GNB3: variants seen among roughly 807,000 people sequenced by gnomAD.
GNB3 encodes G protein subunit beta 3, also known as guanine nucleotide-binding protein G(I)/G(S)/G(T) subunit beta-3.
In GNB3, 33 loss-of-function variants were observed where a neutral mutation model predicts 41.2. The ratio of observed to expected loss-of-function variants is 0.80; its 90% CI spans 0.61 to 1.07. The LOEUF (loss-of-function observed/expected upper bound fraction) is 1.07, where lower values mean the gene tolerates loss of function less well. Ranked by LOEUF, GNB3 falls within the 50% of genes least tolerant of loss-of-function variation. The pLI is 0.00. For synonymous variants in GNB3, 172 were observed against 173.4 expected (o/e 0.99, Z 0.06); for missense variants, 409 against 455.3 (o/e 0.90, Z 0.92).
At position 6,845,651 on chromosome 12, in the gene GNB3, G is replaced by A. The variant is rs1214413975; in HGVS notation, c.765G>A (p.Leu255=). Residue 255 remains leucine, a synonymous_variant, in exon 9 of 10, where the codon CTG becomes CTA. Transcript: ENST00000229264. ...ACGCTTCCTGCCGCTTGTTTGACCTGCGGGCAGACCAGGAGCTGATCTGCT... is the reference window on the plus strand; with the variant it reads ...ACGCTTCCTGCCGCTTGTTTGACCTACGGGCAGACCAGGAGCTGATCTGCT... ...SDDASCRLFD[L]RADQELICFS... is the part of the protein sequence containing the mutation. 1.2e-6 allele frequency: 2 copies of A among 1,613,952 alleles called. No homozygotes were observed. Among genetic ancestry groups the A allele is most frequent in the African/African-American group, 1.3e-5 (1 of 75,048 alleles).
rs1299867451 is a variant in GNB3 at position 6,843,116 on chromosome 12, C to T, written c.203+40C>T. The stretch of plus-strand genomic sequence containing the variant: ...GGAACCGAGAATGGGAGGGTGAGAG[C>T]GGGAGTGAGGAAGGCGGGAAGGGGA... On this transcript the variant is annotated intron_variant, in intron 4 of 9. Transcript: ENST00000229264. This position sits in a 1 kb window ranked among gnomAD's most constrained non-coding sequence, Gnocchi z 5.9. 16 of 1,600,802 alleles carry T rather than the reference C, an allele frequency of 1.0e-5. No homozygotes were observed. Among genetic ancestry groups the T allele is most frequent in the South Asian group, 6.6e-5 (6 of 90,746 alleles).
rs781935145 is a variant in GNB3 at position 6,843,249 on chromosome 12, G to C, written c.267+12G>C. On this transcript the variant is annotated intron_variant, in intron 5 of 9. Coordinates refer to ENST00000229264, the MANE Select transcript of GNB3 (RefSeq NM_002075.4). This position sits in a 1 kb window ranked among gnomAD's most constrained non-coding sequence, Gnocchi z 5.9. ...ACACCACCAACAAGGTACCAGCCCTGCCTCCCTGAGCCTCCACCACTGCAT... is the reference window on the plus strand; with the variant it reads ...ACACCACCAACAAGGTACCAGCCCTCCCTCCCTGAGCCTCCACCACTGCAT... 33 of 1,612,344 alleles carry C rather than the reference G, an allele frequency of 2.0e-5. No individual in the cohort carries two copies. Among genetic ancestry groups the C allele is most frequent in the Admixed American group, 2.0e-4 (12 of 60,008 alleles).
Position 6,841,270 on chromosome 12 carries a change from C to A in GNB3, c.-18C>A, listed in dbSNP as rs1191007975. 7 of 1,610,472 alleles carry A rather than the reference C, an allele frequency of 4.3e-6. No homozygotes were observed. The highest frequency in any genetic ancestry group is 2.7e-5 in the African/African-American group (2 of 74,840). On this transcript the variant is annotated 5_prime_UTR_variant, in exon 2 of 10. Transcript: ENST00000229264. ...ATGTTCCTGGCAGGAGCCAGAGTGA[C>A]CCCTCGACCTGTCAGCCATGGGGGA...
intron 8 of GNB3, chr12:6,844,932 CAACAT>C (rs1555124234): frequency 6.6e-6 from 1 of 152,202 alleles, no homozygotes; most frequent in Admixed American, 6.5e-5. Flanking sequence ...TCAGGAAACT[CAACAT>C]TGACACAATA....
chr12:6,845,364 C>T lies in GNB3; in HGVS notation c.700-222C>T, dbSNP rs1565520093. 16 of 541,084 alleles carry T rather than the reference C, an allele frequency of 3.0e-5. No individual in the cohort carries two copies. In the South Asian group the frequency reaches 4.0e-4, roughly 13 times the overall value. 33.5% of individuals were successfully genotyped at this position (541,084 alleles called of 1,614,324 possible). A position where few individuals can be genotyped will look rare whatever the true frequency, so the allele number is the denominator to read the frequency against. ...CCTGCGACGTGGAAATGATGCCTGCCTGCAGCGCTGTATAGTGCAGAGCGG... is the reference window on the plus strand; with the variant it reads ...CCTGCGACGTGGAAATGATGCCTGCTTGCAGCGCTGTATAGTGCAGAGCGG... On this transcript the variant is annotated intron_variant, in intron 8 of 9. Coordinates refer to ENST00000229264, the MANE Select transcript of GNB3 (RefSeq NM_002075.4).
intron 8 of GNB3, 73 bp downstream of exon 8, chr12:6,844,051 T>C (rs1943630672): frequency 2.3e-6 from 2 of 851,506 alleles, no homozygotes; most frequent in Non-Finnish European, 3.6e-6. Flanking sequence ...ACAATACACA[T>C]CCTCTGCCCC....
At position 6,843,757 on chromosome 12, in the gene GNB3, G is replaced by C. The variant is rs782486451; in HGVS notation, c.498-20G>C. 1.5e-5 allele frequency: 25 copies of C among 1,613,268 alleles called. No individual in the cohort carries two copies. In the South Asian group the frequency reaches 2.7e-4, roughly 18 times the overall value. ...GAGTGGGCCCGGCCTTTCTCTAACA[G>C]TCTCCCTCCATTTTGGCAGTGCCTT... On this transcript the variant is annotated intron_variant, in intron 7 of 9. Coordinates refer to ENST00000229264, the MANE Select transcript of GNB3 (RefSeq NM_002075.4). This position sits in a 1 kb window ranked among gnomAD's most constrained non-coding sequence, Gnocchi z 5.9.
rs1943603111 is a variant in GNB3, at chr12:6,843,060, T to C, written c.187T>C (p.Trp63Arg). ...GHLAKIYAMH[W>R]ATDSKLLVSA... ...CCTGGCCAAGATTTACGCCATGCAC[T>C]GGGCCACTGATTCTAAGTGAGGCTT... Residue 63 changes from tryptophan to arginine, a missense_variant, in exon 4 of 10, where the codon TGG (tryptophan) becomes CGG (arginine). Physicochemically the swap from Trp to Arg is moderately radical, Grantham distance 101. Coordinates refer to ENST00000229264, the MANE Select transcript of GNB3 (RefSeq NM_002075.4). This position sits in a 1 kb window ranked among gnomAD's most constrained non-coding sequence, Gnocchi z 5.9. The C allele has an allele frequency of 1.3e-6, 2 of 1,599,422 alleles. No individual in the cohort carries two copies.
intron 3 of GNB3, among the ~76,000 whole-genome samples, chr12:6,842,308 G>A (rs1803936387): frequency 6.6e-6 from 1 of 152,114 alleles, no homozygotes. Flanking sequence ...CAGCCCTTTG[G>A]GAGACTGACG....
Position 6,845,811 on chromosome 12 carries a change from C to A in GNB3, c.916+9C>A. 1 of 1,596,886 alleles carries A rather than the reference C, an allele frequency of 6.3e-7. No individual in the cohort carries two copies. On this transcript the variant is annotated intron_variant, in intron 9 of 9. Transcript: ENST00000229264. ...GAAGTCTGAGCGTGTGGGTAAGGGC[C>A]AGCCCTGGCTGCTGCTTCCTCAGCT... is the stretch of plus-strand genomic sequence containing the variant.
In GNB3 at chr12:6,841,639, C is replaced by G. The variant is rs782160261; in HGVS notation, c.96+15C>G. ...CTCTGGCAGAGGTAAGACCCCCTGTCCCCCGGAAGGCAGGGCATGGGGGGA... is the reference window on the plus strand; with the variant it reads ...CTCTGGCAGAGGTAAGACCCCCTGTGCCCCGGAAGGCAGGGCATGGGGGGA... On this transcript the variant is annotated intron_variant, in intron 3 of 9. Coordinates refer to ENST00000229264, the MANE Select transcript of GNB3 (RefSeq NM_002075.4). 1.2e-6 allele frequency: 2 copies of G among 1,604,830 alleles called. No homozygotes were observed. The highest frequency in any genetic ancestry group is 1.7e-6 in the Non-Finnish European group (2 of 1,172,710).
At chr12:6,844,106 T>TTTC in intron 8 of GNB3, 128 bp downstream of exon 8, 1 of 628,850 alleles carries the variant, frequency 1.6e-6, no homozygotes, top group Non-Finnish European at 2.5e-6. Context: ...TTTTTTTTTT[T>TTTC]TTTTTTTTTT....
Position 6,847,111 on chromosome 12 carries a change from C to T in GNB3, c.*213C>T. The T allele has an allele frequency of 1.8e-6, 1 of 549,642 alleles. No individual in the cohort carries two copies. 34.0% of individuals were successfully genotyped at this position (549,642 alleles called of 1,614,324 possible). On this transcript the variant is annotated 3_prime_UTR_variant, in exon 10 of 10. Coordinates refer to ENST00000229264, the MANE Select transcript of GNB3 (RefSeq NM_002075.4). ...CTGCCCCATCTCCTCCCATGGCCTT[C>T]CCTCCCCACAGTCCTCACAGCCTCT...
At chr12:6,845,412 T>C (rs1591591936) in intron 8 of GNB3, 174 bp from the exon 9 acceptor site, 6 of 605,446 alleles carry the variant, frequency 9.9e-6, no homozygotes, top group Non-Finnish European at 1.5e-5. Context: ...GGGAAGTCAC[T>C]GGCACGTGGT....
intron 3 of GNB3, among the ~76,000 whole-genome samples, chr12:6,842,142 T>A (rs1943587176): frequency 6.6e-6 from 1 of 152,230 alleles, no homozygotes; most frequent in South Asian, 2.1e-4. Context: ...CTAAGCTGCA[T>A]AAATACCTGA....
At chr12:6,844,093 ATTTTTT>A (rs34871066) in intron 8 of GNB3, 115 bp downstream of exon 8, 194 of 257,956 alleles carry the variant, frequency 7.5e-4, no homozygotes, top group Middle Eastern at 2.3e-3. Context: ...TTCTTACTGT[ATTTTTT>A]TTTTTTTTTT....
Position 6,842,954 on chromosome 12 carries a change from G to A in GNB3, c.97-16G>A, listed in dbSNP as rs782532802. ...TAACCTGCTCACCCTGATATTCAGT[G>A]CCCCTCTCTCTGCAGCTGGTGTCTG... On this transcript the variant is annotated splice_polypyrimidine_tract_variant and intron_variant, in intron 3 of 9. Transcript: ENST00000229264. 21 of 1,502,848 alleles carry A rather than the reference G, an allele frequency of 1.4e-5. No homozygotes were observed. The East Asian group carries it at 2.1e-4, about 15-fold the overall frequency. The allele number at this position is 1,502,848 out of a possible 1,614,324, so 93.1% of individuals were successfully genotyped here.
rs1565517163 is a variant in GNB3 at position 6,841,336 on chromosome 12, C to A, written c.49C>A (p.Gln17Lys). ...LRQEAEQLKKQIADARKACAD... is the reference protein window; with the variant it reads ...LRQEAEQLKKKIADARKACAD... ...TCAGGAAGCGGAGCAGCTCAAGAAG[C>A]AGATTGCAGTAACTCCAGAGCCCTA... is the stretch of plus-strand genomic sequence containing the variant. The change falls in exon 2 of 10, where the codon CAG becomes AAG. Residue 17 changes from glutamine to lysine, a missense_variant. By Grantham distance (53) the Gln-to-Lys change is moderately conservative. Coordinates refer to ENST00000229264, the MANE Select transcript of GNB3 (RefSeq NM_002075.4). 1 of 1,613,322 alleles carries A rather than the reference C, an allele frequency of 6.2e-7. No homozygotes were observed. Among genetic ancestry groups the A allele is most frequent in the Non-Finnish European group, 8.5e-7 (1 of 1,179,590 alleles).
chr12:6,846,980 T>C lies in GNB3; in HGVS notation c.*82T>C. On this transcript the variant is annotated 3_prime_UTR_variant, in exon 10 of 10. Transcript: ENST00000229264. ...GACCCCATCTCATTCAGGTGTTCTC[T>C]TCTATATTCCGGGTGCCATTCCCAC... 1.3e-6 allele frequency: 1 copy of C among 787,878 alleles called. No homozygotes were observed. The highest frequency in any genetic ancestry group is 2.2e-6 in the Non-Finnish European group (1 of 461,862). 48.8% of individuals were successfully genotyped at this position (787,878 alleles called of 1,614,324 possible).
Sources: gnomAD v4.1 joint callset for allele counts (sites outside exome capture counted in the v4.1 genomes callset) on GRCh38, gnomAD v4.1.1 for gene constraint, Gnocchi (gnomAD v3.1) non-coding constraint, MANE v1.5 for transcripts, NCBI Gene and HGNC (gene_info 2026-07-23, HGNC 2026-07-21) for gene names.